The following DSE variants were observed in gnomAD, a reference collection of about 807,000 sequenced individuals.
DSE encodes dermatan-sulfate epimerase.
Under a neutral mutation model 84.4 loss-of-function variants are expected in DSE, and 36 were observed. The observed-to-expected ratio is 0.43, with a 90% CI of 0.33 to 0.56. The LOEUF (loss-of-function observed/expected upper bound fraction) is 0.56. DSE is among the 20% of genes least tolerant of loss of function. The pLI is 0.06. For synonymous variants in DSE, 410 were observed against 430.1 expected, an observed-to-expected ratio of 0.95 and a Z score of 0.58; for missense variants, 862 against 1,169.6, an observed-to-expected ratio of 0.74 and a Z score of 3.84.
intron 2 of DSE, among the ~76,000 whole-genome samples, chr6:116,306,983 A>G (rs567452544): frequency 7.2e-5 from 11 of 152,232 alleles, no homozygotes; most frequent in Non-Finnish European, 1.6e-4. Flanking sequence ...TAATCTATTC[A>G]GTCTATGTTA....
At chr6:116,279,179 C>T in intron 2 of DSE, 3 of 1,612,586 alleles carry the variant, frequency 1.9e-6, no homozygotes, top group Non-Finnish European at 2.5e-6. Flanking sequence ...CAGGGCCCTT[C>T]TTCCTCCCTC....
chr6:116,300,079 G>A (rs941579961), intron 2 of DSE, among the ~76,000 whole-genome samples: 1 of 152,132 alleles, frequency 6.6e-6, no homozygotes, highest in African/African-American at 2.4e-5. Context: ...CTTTTCTTAG[G>A]AAGATGTATA....
At chr6:116,279,076 T>G in intron 2 of DSE, 1 of 1,613,482 alleles carries the variant, frequency 6.2e-7, no homozygotes, top group Non-Finnish European at 8.5e-7. Flanking sequence ...GTGCTCCAGC[T>G]GTTGGAAGGC....
chr6:116,424,253 A>G lies in DSE; in HGVS notation c.417-2321A>G, dbSNP rs536483842. Among the ~76,000 whole-genome samples, 3 of 152,342 alleles carry G rather than the reference A, an allele frequency of 2.0e-5. No individual in the cohort carries two copies. The South Asian group carries it at 6.2e-4, about 32-fold the overall frequency. ...AACTCCCTGGCAATGAGTGTGCAGT[A>G]TGAATTGTTTTTCTCCTAGAAGTAG... On this transcript the variant is annotated intron_variant, in intron 2 of 5. Coordinates refer to ENST00000644252, the MANE Select transcript of DSE (RefSeq NM_013352.4).
intron 2 of DSE, among the ~76,000 whole-genome samples, chr6:116,403,558 G>T (rs921398357): frequency 6.6e-6 from 1 of 152,092 alleles, no homozygotes; most frequent in Non-Finnish European, 1.5e-5. Context: ...AAAGAGGGGG[G>T]AAAGACTGGA....
intron 1 of DSE, among the ~76,000 whole-genome samples, chr6:116,384,473 A>G (rs551563201): frequency 1.3e-5 from 2 of 152,292 alleles, no homozygotes; most frequent in East Asian, 3.9e-4. Flanking sequence ...CCTGAGGTGG[A>G]CTTAGTGGGA....
chr6:116,330,997 CATT>C (rs1776901362), intron 2 of DSE, among the ~76,000 whole-genome samples: 1 of 152,082 alleles, frequency 6.6e-6, no homozygotes, highest in Admixed American at 6.6e-5. Context: ...GAATTTATGA[CATT>C]AACAGAATAA....
intron 1 of DSE, among the ~76,000 whole-genome samples, chr6:116,394,758 G>C (rs1211783114): frequency 6.6e-6 from 1 of 152,124 alleles, no homozygotes; most frequent in Admixed American, 6.5e-5. Flanking sequence ...TGAATGGGAA[G>C]AAAAAGTGGA....
chr6:116,441,650 T>G lies in DSE; in HGVS notation c.*4305T>G, dbSNP rs1784431064. 6.6e-6 allele frequency: 1 copy of G among 152,222 alleles called. No individual in the cohort carries two copies. Among genetic ancestry groups the G allele is most frequent in the African/African-American group, 2.4e-5 (1 of 41,466 alleles). 9.4% of individuals were successfully genotyped at this position (152,222 alleles called of 1,614,324 possible). ...ATAATTTTAAATGTGGTGATCAGGT[T>G]AGGCTTTATTGATGTCTCCACTTCC... On this transcript the variant is annotated 3_prime_UTR_variant, in exon 6 of 6. Transcript: ENST00000644252.
chr6:116,425,743 C>G (rs1320725312), intron 2 of DSE, among the ~76,000 whole-genome samples: 1 of 151,134 alleles, frequency 6.6e-6, no homozygotes, highest in African/African-American at 2.4e-5. Context: ...CTGCCTCAGC[C>G]TCCCAAGTAG....
intron 1 of DSE, among the ~76,000 whole-genome samples, chr6:116,378,789 A>G (rs1036734489): frequency 7.2e-5 from 11 of 152,028 alleles, no homozygotes; most frequent in African/African-American, 2.4e-4. Context: ...TATTCTAGAT[A>G]ACCTTGTTTT....
intron 1 of DSE, among the ~76,000 whole-genome samples, chr6:116,396,836 G>A (rs1340157974): frequency 6.6e-6 from 1 of 152,224 alleles, no homozygotes; most frequent in African/African-American, 2.4e-5. Flanking sequence ...GTGCCTGGGT[G>A]GGAGTGTGGT....
At chr6:116,281,526 G>A (rs1000692317) in intron 2 of DSE, among the ~76,000 whole-genome samples, 1 of 152,128 alleles carries the variant, frequency 6.6e-6, no homozygotes, top group South Asian at 2.1e-4. Context: ...CTGCCCAACA[G>A]CTGTGATGTA....
At chr6:116,428,349 T>C (rs1334291300) in intron 3 of DSE, among the ~76,000 whole-genome samples, 3 of 152,232 alleles carry the variant, frequency 2.0e-5, no homozygotes, top group African/African-American at 7.2e-5. Context: ...AAATTTCTGC[T>C]TCAGGTCTTA....
chr6:116,303,075 C>G (rs1166165368), intron 2 of DSE, among the ~76,000 whole-genome samples: 1 of 152,048 alleles, frequency 6.6e-6, no homozygotes, highest in South Asian at 2.1e-4. Flanking sequence ...AATGTGCTCT[C>G]TCTTTCTCTT....
chr6:116,417,071 T>C (rs1782761757), intron 2 of DSE, among the ~76,000 whole-genome samples: 1 of 152,202 alleles, frequency 6.6e-6, no homozygotes, highest in Non-Finnish European at 1.5e-5. Context: ...GATATGTAAG[T>C]GTATTTTTAA....
At chr6:116,267,977 G>C (rs1176825939) in intron 2 of DSE, among the ~76,000 whole-genome samples, 1 of 152,024 alleles carries the variant, frequency 6.6e-6, no homozygotes, top group Admixed American at 6.6e-5. Context: ...CTCCCACCAG[G>C]CCCCTCTGAC....
chr6:116,369,013 G>C (rs1779343581), upstream of DSE, among the ~76,000 whole-genome samples: 1 of 152,070 alleles, frequency 6.6e-6, no homozygotes, highest in Non-Finnish European at 1.5e-5. Context: ...GCAAAATTGT[G>C]GGGGGTGTGA....
chr6:116,364,054 GT>G lies in DSE; in HGVS notation c.-53-35142del, dbSNP rs563040125. 4.5e-4 allele frequency among the ~76,000 whole-genome samples: 68 copies of G among 152,266 alleles called. 1 individual carries two copies. In the East Asian group the frequency reaches 0.012, roughly 27 times the overall value. On this transcript the variant is annotated intron_variant, in intron 2 of 3. Transcript: ENST00000430252. Reference sequence around the variant, plus strand: ...AAAACTGGTAACAGTCCCCATCTATGTTAACCTTGGTTTCTTTGTAAAACAA... The same window carrying G: ...AAAACTGGTAACAGTCCCCATCTATGTAACCTTGGTTTCTTTGTAAAACAA...
Sources: allele counts gnomAD v4.1 joint callset (sites outside exome capture counted in the v4.1 genomes callset), GRCh38; gene constraint gnomAD v4.1.1; transcripts MANE v1.5; gene names NCBI Gene and HGNC (gene_info 2026-07-23, HGNC 2026-07-21).